ADAMTS5: variants seen among roughly 807,000 people sequenced by gnomAD.
The protein encoded by ADAMTS5 is A disintegrin and metalloproteinase with thrombospondin motifs 5.
Under a neutral mutation model 81.4 loss-of-function variants are expected in ADAMTS5, and 54 were observed. The ratio of observed to expected loss-of-function variants is 0.66; its 90% CI spans 0.53 to 0.83. The LOEUF (loss-of-function observed/expected upper bound fraction) is 0.83. ADAMTS5 is among the 40% of genes least tolerant of loss of function. The probability of loss-of-function intolerance (pLI) is 0.00; values close to 1 mark genes in which losing one functional copy is unlikely to be tolerated. For synonymous variants in ADAMTS5, 532 were observed against 508.8 expected, an observed-to-expected ratio of 1.05 and a Z score of -0.61; for missense variants, 1,194 against 1,229.9, an observed-to-expected ratio of 0.97 and a Z score of 0.44.
At chr21:26,936,630 T>C (rs1987018890) in intron 3 of ADAMTS5, among the ~76,000 whole-genome samples, 1 of 152,204 alleles carries the variant, frequency 6.6e-6, no homozygotes, top group African/African-American at 2.4e-5. Context: ...AGTTCCTATT[T>C]AACTTCTGAG....
At chr21:26,928,454 C>CA (rs1157934698) in intron 7 of ADAMTS5, among the ~76,000 whole-genome samples, 1 of 152,000 alleles carries the variant, frequency 6.6e-6, no homozygotes, top group Non-Finnish European at 1.5e-5. Flanking sequence ...GTTGTCAGCA[C>CA]AAAAATACTT....
Position 26,954,849 on chromosome 21 carries a change from C to G in ADAMTS5, c.1127G>C (p.Cys376Ser). The change falls in exon 2 of 8, where the codon TGT becomes TCT. Residue 376 changes from cysteine (C) to serine (S), a missense_variant. By Grantham distance (112) the Cys-to-Ser change is moderately radical. Around this residue, in one of 2 missense-constraint regions of ADAMTS5, gnomAD observed 696 missense variants for 817.6 expected, o/e 0.85. Coordinates refer to ENST00000284987, the MANE Select transcript of ADAMTS5 (RefSeq NM_007038.5). ...AACGTCTGCCATTCCCAGGGTGTCA[C>G]ATGAATGATGCCCACATAAATCCTG... ...TREDLCGHHS[C>S]DTLGMADVGT... 6.2e-7 allele frequency: 1 copy of G among 1,614,048 alleles called. No individual in the cohort carries two copies. The highest frequency in any genetic ancestry group is 8.5e-7 in the Non-Finnish European group (1 of 1,179,972).
chr21:26,933,376 A>G (rs1352049193), intron 4 of ADAMTS5, among the ~76,000 whole-genome samples: 1 of 152,180 alleles, frequency 6.6e-6, no homozygotes, highest in Non-Finnish European at 1.5e-5. Context: ...AATATCACTG[A>G]ACCATGGTAA....
chr21:26,924,531 G>A lies in ADAMTS5; in HGVS notation c.2315C>T (p.Thr772Ile), dbSNP rs1986770726. 4 of 1,614,052 alleles carry A rather than the reference G, an allele frequency of 2.5e-6. No homozygotes were observed. The African/African-American group carries it at 5.3e-5, about 22-fold the overall frequency. The change falls in exon 8 of 8, where the codon ACT (threonine) becomes ATT (isoleucine). Residue 772 changes from threonine (T) to isoleucine (I), a missense_variant. Thr to Ile is a moderately conservative substitution (Grantham distance 89, BLOSUM62 -1). Coordinates refer to ENST00000284987, the MANE Select transcript of ADAMTS5 (RefSeq NM_007038.5). ...QFKAKDQTRF[T>I]AYLALKKKNG... is the part of the protein sequence containing the mutation. ...TTTCTTTTTCAGGGCTAAATAGGCA[G>A]TGAATCTAGTCTGGTCTTTGGCTTT...
rs1376811139 is a variant in ADAMTS5, at chr21:26,920,437, T to C, written c.*3616A>G. 1 of 152,146 alleles carries C rather than the reference T, an allele frequency of 6.6e-6. No individual in the cohort carries two copies. The highest frequency in any genetic ancestry group is 2.4e-5 in the African/African-American group (1 of 41,452). The allele number at this position is 152,146 out of a possible 1,614,324, so 9.4% of individuals were successfully genotyped here. ...ATATTTGTAGAAACAGTTATGACTA[T>C]TAGCATTTGTTATACAAACCCAATC... On this transcript the variant is annotated 3_prime_UTR_variant, in exon 8 of 8. Transcript: ENST00000284987.
At chr21:26,942,774 A>C (rs1411459537) in intron 3 of ADAMTS5, among the ~76,000 whole-genome samples, 1 of 152,182 alleles carries the variant, frequency 6.6e-6, no homozygotes, top group Non-Finnish European at 1.5e-5. Flanking sequence ...ATAAAGCCAA[A>C]GATTTTCTTT....
In ADAMTS5 at chr21:26,919,170, T is replaced by C. The variant is rs182396319; in HGVS notation, c.*4883A>G. On this transcript the variant is annotated 3_prime_UTR_variant, in exon 8 of 8. Coordinates refer to ENST00000284987, the MANE Select transcript of ADAMTS5 (RefSeq NM_007038.5). ...CCTCAATAAAAATTAGAATTGTTCA[T>C]TGGGTGTGCCAAAGGAAAGTGGAAA... 3.3e-5 allele frequency: 5 copies of C among 151,944 alleles called. No homozygotes were observed. The highest frequency in any genetic ancestry group is 3.4e-3 in the Middle Eastern group (1 of 290). 9.4% of individuals were successfully genotyped at this position (151,944 alleles called of 1,614,324 possible). A position where few individuals can be genotyped will look rare whatever the true frequency, so the allele number is the denominator to read the frequency against.
At chr21:26,945,593 G>A (rs1044611045) in intron 2 of ADAMTS5, among the ~76,000 whole-genome samples, 6 of 152,156 alleles carry the variant, frequency 3.9e-5, no homozygotes, top group African/African-American at 7.2e-5. Context: ...TGGCAGACAC[G>A]AAATTCACTT....
intron 2 of ADAMTS5, 87 bp from the exon 3 acceptor site, chr21:26,943,634 T>C (rs1244472317): frequency 7.7e-7 from 1 of 1,297,238 alleles, no homozygotes; most frequent in Non-Finnish European, 1.1e-6. Flanking sequence ...CTTGATTTTT[T>C]TCCCCTAATT....
Position 26,955,021 on chromosome 21 carries a change from G to A in ADAMTS5, c.1105-150C>T, listed in dbSNP as rs191834948. The A allele has an allele frequency of 7.5e-3, 6,740 of 902,530 alleles. 43 individuals carry two copies. The highest frequency in any genetic ancestry group is 0.01 in the Non-Finnish European group (6,113 of 610,480). The allele number at this position is 902,530 out of a possible 1,614,324, so 55.9% of individuals were successfully genotyped here. A position where few individuals can be genotyped will look rare whatever the true frequency, so the allele number is the denominator to read the frequency against. On this transcript the variant is annotated intron_variant, in intron 1 of 7. Coordinates refer to ENST00000284987, the MANE Select transcript of ADAMTS5 (RefSeq NM_007038.5). The stretch of plus-strand genomic sequence containing the variant: ...GGAAACGTTCCAAAGGCAAACTCAA[G>A]GCAGAGACTCTTCTGAACTGCTCTG...
rs1986655087 is a variant in ADAMTS5, at chr21:26,919,765, G to A, written c.*4288C>T. On this transcript the variant is annotated 3_prime_UTR_variant, in exon 8 of 8. Transcript: ENST00000284987. ...AGATTATGCTAACAAAGGATTCTTA[G>A]GAAGATTTTTCAATGTACTAGCCAG... 1 of 152,018 alleles carries A rather than the reference G, an allele frequency of 6.6e-6. No homozygotes were observed. The highest frequency in any genetic ancestry group is 6.6e-5 in the Admixed American group (1 of 15,244). The allele number at this position is 152,018 out of a possible 1,614,324, so 9.4% of individuals were successfully genotyped here. A position where few individuals can be genotyped will look rare whatever the true frequency, so the allele number is the denominator to read the frequency against.
intron 2 of ADAMTS5, among the ~76,000 whole-genome samples, chr21:26,949,359 T>C (rs1214496419): frequency 1.3e-5 from 2 of 151,910 alleles, no homozygotes; most frequent in Non-Finnish European, 2.9e-5. Flanking sequence ...CCTTGGCTAA[T>C]TTATTTATTT....
chr21:26,932,910 C>G lies in ADAMTS5; in HGVS notation c.1824G>C (p.Gly608=). 6.2e-7 allele frequency: 1 copy of G among 1,613,894 alleles called. No individual in the cohort carries two copies. The highest frequency in any genetic ancestry group is 8.5e-7 in the Non-Finnish European group (1 of 1,179,940). ...APRNNGRYCT[G]KRAIYRSCSL... ...TGCAGGAGCGGTAGATGGCCCTCTT[C>G]CCTGTGCAGTAGCGTCCGTTGTTTC... The change falls in exon 5 of 8, where the codon GGG becomes GGC. Residue 608 remains glycine (G), a synonymous_variant. Coordinates refer to ENST00000284987, the MANE Select transcript of ADAMTS5 (RefSeq NM_007038.5).
chr21:26,935,664 A>G (rs1414892970), intron 3 of ADAMTS5, among the ~76,000 whole-genome samples: 1 of 152,096 alleles, frequency 6.6e-6, no homozygotes, highest in East Asian at 1.9e-4. Flanking sequence ...GAGATGGGGA[A>G]TCCACAAAAG....
intron 7 of ADAMTS5, among the ~76,000 whole-genome samples, chr21:26,928,802 T>C (rs1986853527): frequency 6.6e-6 from 1 of 152,000 alleles, no homozygotes; most frequent in South Asian, 2.1e-4. Flanking sequence ...TGCTCTTCTC[T>C]GGCATTCATC....
In ADAMTS5 at chr21:26,930,013, G is replaced by T. The variant is rs775648082; in HGVS notation, c.2098C>A (p.Arg700=). The T allele has an allele frequency of 1.2e-5, 19 of 1,613,836 alleles. No homozygotes were observed. Among genetic ancestry groups the T allele is most frequent in the Non-Finnish European group, 1.5e-5 (18 of 1,179,940 alleles). Residue 700 remains arginine (R), a synonymous_variant, in exon 7 of 8, where the codon CGG becomes AGG. Transcript: ENST00000284987. ...CAGCCAGTTCTCACACACTTCCCCC[G>T]GACGCAGACGGAATTACTGTACAGC... is the stretch of plus-strand genomic sequence containing the variant. ...CRLYSNSVCV[R]GKCVRTGCDG... is the part of the protein sequence containing the mutation.
chr21:26,947,213 CT>C (rs1681912946), intron 2 of ADAMTS5, among the ~76,000 whole-genome samples: 1 of 152,166 alleles, frequency 6.6e-6, no homozygotes. Flanking sequence ...TAATTGGAAG[CT>C]TTTCACCTAA....
At chr21:26,935,862 A>G (rs1987004581) in intron 3 of ADAMTS5, among the ~76,000 whole-genome samples, 1 of 152,098 alleles carries the variant, frequency 6.6e-6, no homozygotes, top group Non-Finnish European at 1.5e-5. Flanking sequence ...TTATTTTAGG[A>G]TTTACACAAT....
intron 6 of ADAMTS5, 60 bp from the exon 7 acceptor site, chr21:26,930,121 G>T: frequency 6.5e-7 from 1 of 1,534,598 alleles, no homozygotes; most frequent in Non-Finnish European, 8.9e-7. Flanking sequence ...TGCTCCTTTG[G>T]TCAACTAGTA....
Sources: allele counts gnomAD v4.1 joint callset (sites outside exome capture counted in the v4.1 genomes callset), GRCh38; gene constraint gnomAD v4.1.1; regional missense constraint gnomAD v4.1.1; transcripts MANE v1.5; gene names NCBI Gene and HGNC (gene_info 2026-07-23, HGNC 2026-07-21).